PRKCZ: variants seen among roughly 807,000 people sequenced by gnomAD.
PRKCZ encodes protein kinase C zeta type.
Under a neutral mutation model 79.5 loss-of-function variants are expected in PRKCZ, and 33 were observed. The ratio of observed to expected loss-of-function variants is 0.41; its 90% CI spans 0.31 to 0.55. The LOEUF is 0.55. Ranked by LOEUF, PRKCZ falls within the 20% of genes least tolerant of loss-of-function variation. The pLI, the probability that PRKCZ is intolerant of heterozygous loss-of-function variation, is 0.19. For missense variants in PRKCZ, 578 were observed against 813.5 expected (o/e 0.71, Z 3.52); for synonymous variants, 342 against 320.9 (o/e 1.07, Z -0.70).
chr1:2,055,397 A>C, intron 1 of PRKCZ, 44 bp from the exon 2 acceptor site: 1 of 1,547,842 alleles, frequency 6.5e-7, no homozygotes, highest in Admixed American at 2.1e-5. Context: ...ATTTGATTCA[A>C]ATATGCCCCA....
intron 5 of PRKCZ, 80 bp from the exon 6 acceptor site, chr1:2,144,130 A>C: frequency 1.3e-6 from 2 of 1,507,562 alleles, no homozygotes; most frequent in Non-Finnish European, 1.8e-6. Context: ...TTGAGAAGGT[A>C]TAGGTGTGGA....
chr1:2,062,482 CTTTTT>C (rs61178553), intron 4 of PRKCZ, among the ~76,000 whole-genome samples: 1 of 133,958 alleles, frequency 7.5e-6, no homozygotes. Flanking sequence ...GCCATCTTAA[CTTTTT>C]TTTTTTTTTT....
chr1:2,179,993 G>A (rs1290412850), intron 16 of PRKCZ, among the ~76,000 whole-genome samples: 2 of 152,200 alleles, frequency 1.3e-5, no homozygotes, highest in East Asian at 1.9e-4. Context: ...GGAGGGAGGC[G>A]GTTATGGGAG....
At position 2,172,155 on chromosome 1, in the gene PRKCZ, G is replaced by A; in HGVS notation, c.1162G>A (p.Gly388Arg). Residue 388 changes from glycine (G) to arginine (R), a missense_variant, in exon 12 of 18, where the codon GGG (glycine) becomes AGG (arginine). Coordinates refer to ENST00000378567, the MANE Select transcript of PRKCZ (RefSeq NM_002744.6). The surrounding 1 kb of genome is among the most constrained non-coding windows in gnomAD (Gnocchi z 7.8). ...KLDNVLLDAD[G>R]HIKLTDYGMC... is the part of the protein sequence containing the mutation. ...GGACAACGTCCTCCTGGATGCGGACGGGCACATCAAGCTCACAGACTACGG... is the reference window on the plus strand; with the variant it reads ...GGACAACGTCCTCCTGGATGCGGACAGGCACATCAAGCTCACAGACTACGG... 1 of 1,613,382 alleles carries A rather than the reference G, an allele frequency of 6.2e-7. No individual in the cohort carries two copies. Among genetic ancestry groups the A allele is most frequent in the Non-Finnish European group, 8.5e-7 (1 of 1,179,946 alleles).
At chr1:2,106,314 G>T (rs1023073474) in intron 4 of PRKCZ, among the ~76,000 whole-genome samples, 9 of 152,244 alleles carry the variant, frequency 5.9e-5, no homozygotes. Context: ...ACTGACAGAA[G>T]TAGAGAGAAT....
At chr1:2,081,757 C>A (rs935426994) in intron 4 of PRKCZ, among the ~76,000 whole-genome samples, 1 of 152,116 alleles carries the variant, frequency 6.6e-6, no homozygotes, top group African/African-American at 2.4e-5. Flanking sequence ...TCGTGTGGGA[C>A]TCGGCAGGTC....
At chr1:2,101,794 T>C (rs905510166) in intron 4 of PRKCZ, among the ~76,000 whole-genome samples, 12 of 152,144 alleles carry the variant, frequency 7.9e-5, no homozygotes, top group Admixed American at 6.5e-4. Context: ...AGCAAAGATG[T>C]GTGGCAGAGG....
chr1:2,164,004 G>T (rs1266617488), intron 10 of PRKCZ, among the ~76,000 whole-genome samples: 1 of 152,194 alleles, frequency 6.6e-6, no homozygotes, highest in African/African-American at 2.4e-5. Context: ...CTCCTGGAAT[G>T]AATGGTGTCA....
At chr1:2,129,164 C>T (rs905351860) in intron 4 of PRKCZ, among the ~76,000 whole-genome samples, 1 of 152,184 alleles carries the variant, frequency 6.6e-6, no homozygotes, top group Non-Finnish European at 1.5e-5. Flanking sequence ...AGTCAATTGC[C>T]TGAAGTTCGA....
intron 1 of PRKCZ, among the ~76,000 whole-genome samples, chr1:2,052,304 A>G (rs994587186): frequency 2.0e-5 from 3 of 152,054 alleles, no homozygotes; most frequent in South Asian, 4.2e-4. Flanking sequence ...CCCTGGGAGC[A>G]CTTTGGTGGT....
In PRKCZ at chr1:2,179,489, C is replaced by T. The variant is rs117969271; in HGVS notation, c.1575+4176C>T. On this transcript the variant is annotated intron_variant, in intron 16 of 17. Coordinates refer to ENST00000378567, the MANE Select transcript of PRKCZ (RefSeq NM_002744.6). ...ACTATCAGGAGTCTGAGATTTGAAG[C>T]GATGGATTTCCCAGCATGGTCCCAG... is the stretch of plus-strand genomic sequence containing the variant. Among the ~76,000 whole-genome samples the T allele has an allele frequency of 1.3e-4, 20 of 152,308 alleles. No individual in the cohort carries two copies. In the East Asian group the frequency reaches 3.1e-3, roughly 23 times the overall value.
At chr1:2,057,408 T>C (rs2102225258) in intron 3 of PRKCZ, among the ~76,000 whole-genome samples, 1 of 152,356 alleles carries the variant, frequency 6.6e-6, no homozygotes, top group South Asian at 2.1e-4. Flanking sequence ...CTGGCGTAGC[T>C]TGGGCTCCTT....
rs1668111307 is a variant in PRKCZ at position 2,104,879 on chromosome 1, GAA to G, written c.335-30382_335-30381del. ...TGAGTGTGTGCTGTCTTCAGAGAGA[GAA>G]GAGCAGTTTTCAGGGTGAGTAGCCT... On this transcript the variant is annotated intron_variant, in intron 4 of 17. Coordinates refer to ENST00000378567, the MANE Select transcript of PRKCZ (RefSeq NM_002744.6). The G allele has an allele frequency of 3.0e-6, 3 of 985,398 alleles. No homozygotes were observed. The African/African-American group carries it at 5.2e-5, about 17-fold the overall frequency. The allele number at this position is 985,398 out of a possible 1,614,324, so 61.0% of individuals were successfully genotyped here.
At chr1:2,150,761 C>T (rs1417235796) in intron 8 of PRKCZ, 29 bp from the exon 9 acceptor site, 1 of 1,599,716 alleles carries the variant, frequency 6.3e-7, no homozygotes, top group East Asian at 2.2e-5. Context: ...CCCCCTCTCA[C>T]TTTCTGGGGT....
rs113007174 is a variant in PRKCZ, at chr1:2,139,316, G to C, written c.420+3969G>C. ...TAAAAGTAATTAAAGCCGGCCGGGCGTGGTGGCTCACGCCTGTAATTCCAG... is the reference window on the plus strand; with the variant it reads ...TAAAAGTAATTAAAGCCGGCCGGGCCTGGTGGCTCACGCCTGTAATTCCAG... On this transcript the variant is annotated intron_variant, in intron 5 of 17. Transcript: ENST00000378567. Among the ~76,000 whole-genome samples the C allele has an allele frequency of 3.9e-5, 6 of 152,344 alleles. 1 individual carries two copies. In the South Asian group the frequency reaches 1.2e-3, roughly 32 times the overall value.
intron 5 of PRKCZ, among the ~76,000 whole-genome samples, chr1:2,136,833 C>A (rs1157087658): frequency 6.6e-6 from 1 of 152,154 alleles, no homozygotes; most frequent in East Asian, 1.9e-4. Context: ...CACTAACTGG[C>A]AGCTTAAACA....
At chr1:2,139,797 C>T (rs1414798901) in intron 5 of PRKCZ, among the ~76,000 whole-genome samples, 1 of 152,160 alleles carries the variant, frequency 6.6e-6, no homozygotes, top group African/African-American at 2.4e-5. Flanking sequence ...AAGATCAGCT[C>T]AGCATTATTT....
intron 4 of PRKCZ, among the ~76,000 whole-genome samples, chr1:2,114,851 A>G (rs1670431481): frequency 2.6e-5 from 4 of 152,094 alleles, no homozygotes; most frequent in Admixed American, 2.6e-4. Context: ...AGCTTTTCTT[A>G]TGGAAAGAAT....
intron 1 of PRKCZ, among the ~76,000 whole-genome samples, chr1:2,055,092 G>A (rs182327234): frequency 9.9e-4 from 151 of 152,030 alleles, no homozygotes; most frequent in Non-Finnish European, 1.8e-3. Flanking sequence ...ACAGGCGCCC[G>A]CCACCGCGCC....
Sources: allele counts gnomAD v4.1 joint callset (sites outside exome capture counted in the v4.1 genomes callset), GRCh38; gene constraint gnomAD v4.1.1; non-coding constraint Gnocchi (gnomAD v3.1); transcripts MANE v1.5; gene names NCBI Gene and HGNC (gene_info 2026-07-23, HGNC 2026-07-21).